Variants in C2CD3 observed in about 807,000 individuals in gnomAD.
The protein encoded by C2CD3 is C2 domain containing 3 centriole elongation regulator, also known as C2 domain-containing protein 3.
C2CD3 carries 148 observed loss-of-function variants against 234.0 expected under a neutral mutation model. The observed-to-expected ratio is 0.63, with a 90% CI of 0.55 to 0.72. The LOEUF is 0.72. Ranked by LOEUF, C2CD3 falls within the 30% of genes least tolerant of loss-of-function variation. The probability of loss-of-function intolerance (pLI) is 0.00; values close to 1 mark genes in which losing one functional copy is unlikely to be tolerated. For synonymous variants in C2CD3, 1,000 were observed against 1,035.4 expected (o/e 0.97, Z 0.66); for missense variants, 2,577 against 2,811.5 (o/e 0.92, Z 1.89).
intron 3 of C2CD3, among the ~76,000 whole-genome samples, chr11:74,151,276 T>G (rs1166529363): frequency 6.6e-6 from 1 of 151,912 alleles, no homozygotes; most frequent in African/African-American, 2.4e-5. Flanking sequence ...TGAGAAGTCT[T>G]CCTAAATTGC....
intron 31 of C2CD3, among the ~76,000 whole-genome samples, chr11:74,031,120 A>C (rs1231006860): frequency 1.3e-5 from 2 of 152,146 alleles, no homozygotes; most frequent in Non-Finnish European, 2.9e-5. Context: ...TGACCATACC[A>C]CACTCTTGCT....
chr11:74,048,960 T>G (rs546241516), intron 27 of C2CD3, among the ~76,000 whole-genome samples: 3 of 152,348 alleles, frequency 2.0e-5, no homozygotes, highest in African/African-American at 7.2e-5. Flanking sequence ...CCTCTTCATA[T>G]TCTTTCAATT....
At chr11:74,103,073 G>C in intron 14 of C2CD3, 58 bp downstream of exon 14, 1 of 1,462,532 alleles carries the variant, frequency 6.8e-7, no homozygotes, top group Non-Finnish European at 9.3e-7. Context: ...AATAATTTGG[G>C]AGGCATTTGT....
chr11:74,013,598 A>C (rs1418125898), intron 32 of C2CD3, 73 bp from the exon 33 acceptor site: 1 of 961,076 alleles, frequency 1.0e-6, no homozygotes, highest in Non-Finnish European at 1.4e-6. Context: ...GGTTTCTCTC[A>C]TCTTTTGGTC....
intron 31 of C2CD3, among the ~76,000 whole-genome samples, chr11:74,031,016 C>T (rs1265091481): frequency 6.6e-6 from 1 of 152,194 alleles, no homozygotes; most frequent in Non-Finnish European, 1.5e-5. Context: ...GTTATTATTG[C>T]AAGTGTCCTA....
chr11:74,153,081 G>A (rs1295915737), intron 3 of C2CD3, among the ~76,000 whole-genome samples: 2 of 152,066 alleles, frequency 1.3e-5, no homozygotes, highest in South Asian at 2.1e-4. Flanking sequence ...TTAAAAAACA[G>A]TTAGCGTGCA....
chr11:74,048,420 A>G (rs947471923), intron 27 of C2CD3, 82 bp from the exon 28 acceptor site: 16 of 1,417,566 alleles, frequency 1.1e-5, no homozygotes, highest in African/African-American at 8.7e-5. Flanking sequence ...AGTTTGTAAA[A>G]TTTATTGTGT....
intron 22 of C2CD3, among the ~76,000 whole-genome samples, 190 bp from the exon 23 acceptor site, chr11:74,078,907 C>T (rs1442896328): frequency 6.6e-6 from 1 of 152,166 alleles, no homozygotes; most frequent in Admixed American, 6.5e-5. Flanking sequence ...AGAACAAAGG[C>T]TAGGAGTTGG....
intron 15 of C2CD3, among the ~76,000 whole-genome samples, chr11:74,100,298 T>A (rs1054108670): frequency 1.3e-5 from 2 of 152,192 alleles, no homozygotes; most frequent in African/African-American, 4.8e-5. Flanking sequence ...TCAAGAAGAT[T>A]AAATGACTTG....
chr11:74,098,366 A>T, intron 15 of C2CD3, 111 bp from the exon 16 acceptor site: 1 of 1,125,082 alleles, frequency 8.9e-7, no homozygotes, highest in Non-Finnish European at 1.3e-6. Context: ...TTGCAACTGG[A>T]AAAGTAATAG....
At chr11:74,161,248 A>T (rs1590971650) in intron 3 of C2CD3, 151 bp downstream of exon 3, 2 of 466,506 alleles carry the variant, frequency 4.3e-6, no homozygotes, top group East Asian at 6.9e-5. Context: ...AAACAAAAGT[A>T]GGTCTACTGG....
chr11:74,065,613 C>T (rs12287317), intron 24 of C2CD3, among the ~76,000 whole-genome samples: 6,987 of 152,090 alleles, frequency 0.046, 472 homozygotes, highest in African/African-American at 0.15. Flanking sequence ...CACATGCACA[C>T]GTATGTTTAT....
At chr11:74,083,662 C>T (rs1056655537) in intron 22 of C2CD3, among the ~76,000 whole-genome samples, 2 of 152,188 alleles carry the variant, frequency 1.3e-5, no homozygotes, top group African/African-American at 2.4e-5. Context: ...CAAAAGAAGA[C>T]ATTTATGCAG....
chr11:74,109,840 A>C (rs1304018927), intron 11 of C2CD3, among the ~76,000 whole-genome samples: 1 of 152,142 alleles, frequency 6.6e-6, no homozygotes, highest in African/African-American at 2.4e-5. Context: ...TGGGAGGCCG[A>C]GATGGGCAGA....
At chr11:74,052,545 C>A (rs1953747078) in intron 26 of C2CD3, among the ~76,000 whole-genome samples, 3 of 152,048 alleles carry the variant, frequency 2.0e-5, no homozygotes, top group African/African-American at 7.2e-5. Context: ...ACTTGTGAAC[C>A]CTGGTCTGCT....
chr11:74,154,051 T>C (rs1254058530), intron 3 of C2CD3, among the ~76,000 whole-genome samples: 1 of 151,914 alleles, frequency 6.6e-6, no homozygotes, highest in Non-Finnish European at 1.5e-5. Flanking sequence ...CACACTACAG[T>C]ATACCCCAAA....
At position 74,092,602 on chromosome 11, in the gene C2CD3, A is replaced by T. The variant is rs188356362; in HGVS notation, c.3345-14T>A. ...GGATAATAGTATCTGTAAACCACAA[A>T]AGCACACGTTGTCAGAAGAATTAGG... On this transcript the variant is annotated splice_polypyrimidine_tract_variant and intron_variant, in intron 18 of 32. Transcript: ENST00000334126. The T allele has an allele frequency of 6.2e-7, 1 of 1,602,390 alleles. No homozygotes were observed. Among genetic ancestry groups the T allele is most frequent in the African/African-American group, 1.3e-5 (1 of 74,540 alleles).
intron 2 of C2CD3, among the ~76,000 whole-genome samples, chr11:74,166,215 C>G (rs1007146152): frequency 1.3e-5 from 2 of 151,308 alleles, no homozygotes; most frequent in African/African-American, 2.4e-5. Flanking sequence ...GAGGCTGAGG[C>G]AGGAGAATGG....
intron 24 of C2CD3, among the ~76,000 whole-genome samples, chr11:74,061,825 C>T (rs1954263091): frequency 6.6e-6 from 1 of 152,188 alleles, no homozygotes; most frequent in South Asian, 2.1e-4. Context: ...AAGACACAGA[C>T]TGGCAAATTG....
Sources: allele counts gnomAD v4.1 joint callset (sites outside exome capture counted in the v4.1 genomes callset), GRCh38; gene constraint gnomAD v4.1.1; transcripts MANE v1.5; gene names NCBI Gene and HGNC (gene_info 2026-07-23, HGNC 2026-07-21).